ANKRD11: variants seen among roughly 807,000 people sequenced by gnomAD.
ANKRD11 encodes the protein ankyrin repeat domain 11.
ANKRD11 carries 17 observed loss-of-function variants against 195.7 expected under a neutral mutation model. The observed-to-expected ratio is 0.09, with a 90% CI of 0.06 to 0.13. ANKRD11 has a LOEUF of 0.13. Ranked by LOEUF, ANKRD11 falls within the 10% of genes least tolerant of loss-of-function variation. ANKRD11 has a pLI of 1.00. For missense variants in ANKRD11, 3,735 were observed against 3,566.1 expected, an observed-to-expected ratio of 1.05 and a Z score of -1.21; for synonymous variants, 1,953 against 1,528.1, an observed-to-expected ratio of 1.28 and a Z score of -6.49.
intron 1 of ANKRD11, among the ~76,000 whole-genome samples, chr16:89,463,384 C>T (rs940070517): frequency 5.3e-5 from 8 of 152,192 alleles, no homozygotes; most frequent in African/African-American, 1.9e-4. Context: ...CAACCCTGTG[C>T]TCTCTGAAAC....
At chr16:89,277,532 A>C (rs893290084) in intron 9 of ANKRD11, 2 of 152,264 alleles carry the variant, frequency 1.3e-5, no homozygotes, top group African/African-American at 4.8e-5. Flanking sequence ...AAAACAACAA[A>C]AAGCACAGAA....
intron 10 of ANKRD11, 48 bp from the exon 11 acceptor site, chr16:89,275,005 G>A (rs770834630): frequency 1.2e-6 from 2 of 1,612,346 alleles, no homozygotes; most frequent in African/African-American, 1.3e-5. Context: ...CCACGCTCCA[G>A]GCCCCACTGT....
chr16:89,402,234 C>G (rs1340875529), intron 2 of ANKRD11, among the ~76,000 whole-genome samples: 6 of 152,070 alleles, frequency 3.9e-5, no homozygotes, highest in Non-Finnish European at 8.8e-5. Context: ...AATGTGGAAC[C>G]AATTATATCT....
intron 2 of ANKRD11, among the ~76,000 whole-genome samples, chr16:89,319,609 G>GC (rs770036628): frequency 2.0e-4 from 31 of 152,304 alleles, no homozygotes; most frequent in Non-Finnish European, 3.7e-4. Context: ...TCGAGGCCCT[G>GC]CAACCCCAGC....
chr16:89,310,173 C>T (rs2036531428), intron 3 of ANKRD11, among the ~76,000 whole-genome samples: 1 of 152,238 alleles, frequency 6.6e-6, no homozygotes, highest in Admixed American at 6.5e-5. Context: ...GTTCCATCAC[C>T]AGCTCAGCTG....
At position 89,391,590 on chromosome 16, in the gene ANKRD11, CCTA is replaced by C. The variant is rs759253700; in HGVS notation, c.-60+26691_-60+26693del. ...AATCTGAGTTTTCCCCCTCAGAACC[CCTA>C]CTAACTGAGCTTAGAAATACATGAA... On this transcript the variant is annotated intron_variant, in intron 2 of 12. Transcript: ENST00000301030. 6.1e-4 allele frequency among the ~76,000 whole-genome samples: 93 copies of C among 152,314 alleles called. 2 individuals are homozygous for C. Among genetic ancestry groups the C allele is most frequent in the South Asian group, 2.9e-3 (14 of 4,826 alleles).
intron 2 of ANKRD11, among the ~76,000 whole-genome samples, chr16:89,402,714 G>C (rs978021011): frequency 6.8e-6 from 1 of 147,792 alleles, no homozygotes; most frequent in Non-Finnish European, 1.5e-5. Flanking sequence ...GAGGTTAGGA[G>C]AGGGGGCAGG....
intron 1 of ANKRD11, among the ~76,000 whole-genome samples, chr16:89,449,633 A>C (rs2043973369): frequency 6.6e-6 from 1 of 152,002 alleles, no homozygotes; most frequent in Non-Finnish European, 1.5e-5. Context: ...GTCTCTACTA[A>C]AAATACAAAA....
chr16:89,344,413 C>T (rs533625681), intron 2 of ANKRD11, among the ~76,000 whole-genome samples: 1 of 152,302 alleles, frequency 6.6e-6, no homozygotes, highest in East Asian at 1.9e-4. Context: ...ACTCCAGACC[C>T]CGTCAGGGCC....
chr16:89,433,594 T>C (rs1382352548), intron 1 of ANKRD11, among the ~76,000 whole-genome samples: 1 of 151,872 alleles, frequency 6.6e-6, no homozygotes, highest in African/African-American at 2.4e-5. Context: ...GCACACCACC[T>C]TCACCAGAGT....
chr16:89,353,634 C>T (rs563098700), intron 2 of ANKRD11, among the ~76,000 whole-genome samples: 11 of 152,166 alleles, frequency 7.2e-5, no homozygotes, highest in Non-Finnish European at 1.3e-4. Flanking sequence ...TGCACAACCA[C>T]GCTTGCCTAA....
intron 2 of ANKRD11, among the ~76,000 whole-genome samples, chr16:89,369,480 CACAAAGCTCTGCCGTATCAGA>C (rs1019157129): frequency 6.6e-6 from 1 of 152,226 alleles, no homozygotes; most frequent in Non-Finnish European, 1.5e-5. Context: ...GCCGCAACAG[CACAAAGCTCTGCCGTATCAGA>C]CACAAAGGCC....
intron 2 of ANKRD11, among the ~76,000 whole-genome samples, chr16:89,384,879 C>CCTTTTTTTTTTTTTTTTTTTTTT (rs2040832561): frequency 2.0e-5 from 1 of 49,910 alleles, no homozygotes; most frequent in African/African-American, 7.9e-5. Flanking sequence ...AAATAGTTTT[C>CCTTTTTTTTTTTTTTTTTTTTTT]TTTTTTTTTT....
intron 2 of ANKRD11, among the ~76,000 whole-genome samples, chr16:89,343,297 C>A (rs968255291): frequency 1.3e-5 from 2 of 152,112 alleles, no homozygotes; most frequent in East Asian, 1.9e-4. Context: ...TGGGCCTGAG[C>A]GCATTTTTTA....
At chr16:89,336,898 G>A (rs1203904455) in intron 2 of ANKRD11, among the ~76,000 whole-genome samples, 1 of 151,788 alleles carries the variant, frequency 6.6e-6, no homozygotes, top group Non-Finnish European at 1.5e-5. Context: ...GGCTGGGTGC[G>A]GTGGCTCATG....
intron 2 of ANKRD11, chr16:89,323,269 G>C: frequency 7.8e-7 from 1 of 1,284,050 alleles, no homozygotes; most frequent in Non-Finnish European, 1.0e-6. Flanking sequence ...ATACCTGGCA[G>C]GCCTACTGTG....
chr16:89,347,274 G>A (rs1030890760), intron 2 of ANKRD11, among the ~76,000 whole-genome samples: 4 of 152,226 alleles, frequency 2.6e-5, no homozygotes, highest in African/African-American at 9.6e-5. Flanking sequence ...TGTCGCACAT[G>A]TGTGTACCTG....
chr16:89,313,311 G>C, intron 3 of ANKRD11: 1 of 1,287,060 alleles, frequency 7.8e-7, no homozygotes, highest in South Asian at 1.2e-5. Context: ...CTGTAGCCCT[G>C]CACACCTTTG....
intron 1 of ANKRD11, among the ~76,000 whole-genome samples, chr16:89,480,912 C>T (rs1488558778): frequency 6.6e-6 from 1 of 152,124 alleles, no homozygotes; most frequent in Non-Finnish European, 1.5e-5. Context: ...CTGAGATGCC[C>T]ACTTCTCCCT....
Sources: allele counts gnomAD v4.1 joint callset (sites outside exome capture counted in the v4.1 genomes callset), GRCh38; gene constraint gnomAD v4.1.1; transcripts MANE v1.5; gene names NCBI Gene and HGNC (gene_info 2026-07-23, HGNC 2026-07-21).